The following NRG1 variants were observed in gnomAD, a reference collection of about 807,000 sequenced individuals.
NRG1 encodes neuregulin 1, also known as pro-neuregulin-1, membrane-bound isoform.
NRG1 carries 18 observed loss-of-function variants against 63.8 expected under a neutral mutation model. The ratio of observed to expected loss-of-function variants is 0.28; its 90% CI spans 0.19 to 0.42. NRG1 has a LOEUF of 0.42. Among genes scored for constraint, NRG1 ranks in the 10% least tolerant of loss-of-function variants. The pLI is 1.00. For missense variants in NRG1, 762 were observed against 814.7 expected, an observed-to-expected ratio of 0.94 and a Z score of 0.79; for synonymous variants, 302 against 301.3, an observed-to-expected ratio of 1.00 and a Z score of -0.02.
At chr8:31,768,702 G>A (rs541188684) in intron 1 of NRG1, among the ~76,000 whole-genome samples, 2 of 152,144 alleles carry the variant, frequency 1.3e-5, no homozygotes, top group South Asian at 4.2e-4. Flanking sequence ...TGAATTTTTG[G>A]GAACCCTAAG....
At chr8:32,770,369 C>A (rs1831705621), downstream of NRG1, among the ~76,000 whole-genome samples, 1 of 152,202 alleles carries the variant, frequency 6.6e-6, no homozygotes, top group African/African-American at 2.4e-5. Flanking sequence ...TCTAAGAGAG[C>A]TGCAGAGCTG....
At chr8:32,595,744 TC>T (rs1311054151) in intron 1 of NRG1, 83 bp from the exon 2 acceptor site, 1 of 1,273,438 alleles carries the variant, frequency 7.9e-7, no homozygotes, top group African/African-American at 1.5e-5. Context: ...GGTGCCTTGA[TC>T]AGGCTAACTC....
At chr8:32,014,716 C>A (rs1339930986) in intron 1 of NRG1, among the ~76,000 whole-genome samples, 2 of 140,412 alleles carry the variant, frequency 1.4e-5, no homozygotes, top group Non-Finnish European at 3.0e-5. Flanking sequence ...AGCCCCCCAA[C>A]CCCCCCCCAA....
intron 6 of NRG1, among the ~76,000 whole-genome samples, chr8:32,741,666 T>A (rs1477235522): frequency 1.3e-5 from 2 of 152,168 alleles, no homozygotes; most frequent in Non-Finnish European, 2.9e-5. Context: ...AACCAGTGTT[T>A]CAACATAGTG....
chr8:32,232,390 G>A (rs1348054487), intron 1 of NRG1, among the ~76,000 whole-genome samples: 3 of 152,034 alleles, frequency 2.0e-5, no homozygotes, highest in Admixed American at 6.6e-5. Context: ...TAGATACTGA[G>A]GTTACATTTT....
chr8:32,576,254 A>G (rs1288196287), intron 1 of NRG1, among the ~76,000 whole-genome samples: 1 of 152,240 alleles, frequency 6.6e-6, no homozygotes, highest in Non-Finnish European at 1.5e-5. Context: ...CATGACACAT[A>G]AAAATGGAAG....
At chr8:31,804,458 T>C (rs1197772998) in intron 1 of NRG1, among the ~76,000 whole-genome samples, 1 of 152,198 alleles carries the variant, frequency 6.6e-6, no homozygotes, top group Non-Finnish European at 1.5e-5. Context: ...GGGCCTAATA[T>C]ACCTCTCAGG....
intron 1 of NRG1, among the ~76,000 whole-genome samples, chr8:32,077,392 C>G (rs950319600): frequency 2.6e-5 from 4 of 152,050 alleles, no homozygotes; most frequent in Non-Finnish European, 5.9e-5. Context: ...TTGTTAACTA[C>G]TACAAGCATA....
intron 5 of NRG1, among the ~76,000 whole-genome samples, chr8:32,698,634 G>A (rs1390011549): frequency 6.6e-6 from 1 of 152,172 alleles, no homozygotes; most frequent in Non-Finnish European, 1.5e-5. Context: ...AACTGTACAA[G>A]GGAGCAAAGG....
intron 1 of NRG1, among the ~76,000 whole-genome samples, chr8:31,801,177 A>C (rs1166451594): frequency 2.0e-5 from 3 of 151,798 alleles, no homozygotes; most frequent in Admixed American, 2.0e-4. Flanking sequence ...TTCTTATTCA[A>C]TTGTTTGTTA....
chr8:32,460,142 T>C (rs1301772980), intron 1 of NRG1, among the ~76,000 whole-genome samples: 1 of 152,186 alleles, frequency 6.6e-6, no homozygotes, highest in Admixed American at 6.5e-5. Flanking sequence ...TGGAAGAGGG[T>C]TTGGCACACA....
intron 1 of NRG1, among the ~76,000 whole-genome samples, chr8:32,500,147 A>C (rs1236216581): frequency 6.6e-6 from 1 of 152,182 alleles, no homozygotes; most frequent in Non-Finnish European, 1.5e-5. Flanking sequence ...GATTATTTAC[A>C]TAATAAGTGC....
chr8:32,694,241 C>A (rs139821740), intron 5 of NRG1, among the ~76,000 whole-genome samples: 12 of 152,276 alleles, frequency 7.9e-5, no homozygotes, highest in African/African-American at 2.9e-4. Context: ...TTGTTAGTAT[C>A]AATTATTATC....
chr8:32,052,640 A>G (rs1048707290), intron 1 of NRG1, among the ~76,000 whole-genome samples: 1 of 152,176 alleles, frequency 6.6e-6, no homozygotes, highest in Non-Finnish European at 1.5e-5. Flanking sequence ...GTGAGTGGGC[A>G]AACAAAATCA....
intron 1 of NRG1, among the ~76,000 whole-genome samples, chr8:31,786,134 T>C (rs547211812): frequency 6.6e-6 from 1 of 152,058 alleles, no homozygotes; most frequent in Non-Finnish European, 1.5e-5. Flanking sequence ...GAGGTAGCAA[T>C]GGGGAGATAA....
intron 2 of NRG1, among the ~76,000 whole-genome samples, chr8:32,598,378 A>G (rs1221859570): frequency 6.6e-6 from 1 of 152,090 alleles, no homozygotes; most frequent in Non-Finnish European, 1.5e-5. Flanking sequence ...TTTTTAAAAA[A>G]GTGAACTGAC....
At chr8:32,125,099 A>T (rs577592311) in intron 1 of NRG1, among the ~76,000 whole-genome samples, 2 of 152,018 alleles carry the variant, frequency 1.3e-5, no homozygotes, top group Non-Finnish European at 2.9e-5. Flanking sequence ...ATGTGAGGAC[A>T]TAGCATTTGC....
intron 1 of NRG1, among the ~76,000 whole-genome samples, chr8:31,932,079 C>T (rs1360628199): frequency 1.3e-5 from 2 of 150,920 alleles, no homozygotes; most frequent in Non-Finnish European, 3.0e-5. Context: ...CATCTCCTTT[C>T]CCCCCAACAG....
At chr8:32,641,244 G>C (rs1163772657) in intron 5 of NRG1, among the ~76,000 whole-genome samples, 3 of 151,692 alleles carry the variant, frequency 2.0e-5, no homozygotes, top group African/African-American at 7.3e-5. Context: ...CTGCCATATT[G>C]CCTATTGATA....
Sources: allele counts gnomAD v4.1 joint callset (sites outside exome capture counted in the v4.1 genomes callset), GRCh38; gene constraint gnomAD v4.1.1; transcripts MANE v1.5; gene names NCBI Gene and HGNC (gene_info 2026-07-23, HGNC 2026-07-21).